Variants in TANK observed in about 807,000 individuals in gnomAD.
TANK encodes the protein TRAF family member-associated NF-kappa-B activator.
TANK carries 15 observed loss-of-function variants against 43.6 expected under a neutral mutation model. That is an observed-to-expected ratio of 0.34 (90% confidence interval 0.23 to 0.53). TANK has a LOEUF of 0.53. Ranked by LOEUF, TANK falls within the 20% of genes least tolerant of loss-of-function variation. The pLI is 0.94. For synonymous variants in TANK, 162 were observed against 178.2 expected, an observed-to-expected ratio of 0.91 and a Z score of 0.73; for missense variants, 417 against 498.6, an observed-to-expected ratio of 0.84 and a Z score of 1.56.
intron 4 of TANK, among the ~76,000 whole-genome samples, chr2:161,217,066 T>G (rs193232194): frequency 6.6e-6 from 1 of 152,344 alleles, no homozygotes; most frequent in Non-Finnish European, 1.5e-5. Context: ...CATATAGTAC[T>G]TACATGTTTG....
At position 161,151,466 on chromosome 2, in the gene TANK, T is replaced by G. The variant is rs528206836; in HGVS notation, c.-50+14403T>G. On this transcript the variant is annotated intron_variant, in intron 1 of 7. Coordinates refer to the TANK transcript ENST00000259075. ...TGGGCCCTGTTATTTGATGGATATA[T>G]GTGTATAATTGCTATATCTTCTTGA... 2.0e-5 allele frequency among the ~76,000 whole-genome samples: 3 copies of G among 152,182 alleles called. No homozygotes were observed. In the South Asian group the frequency reaches 6.2e-4, roughly 32 times the overall value.
At chr2:161,169,696 GAT>G (rs2105271130) in intron 1 of TANK, among the ~76,000 whole-genome samples, 1 of 152,310 alleles carries the variant, frequency 6.6e-6, no homozygotes, top group East Asian at 1.9e-4. Flanking sequence ...AACTCATTAA[GAT>G]ATAGGTACGT....
At chr2:161,226,813 G>T in intron 6 of TANK, among the ~76,000 whole-genome samples, 1 of 23,216 alleles carries the variant, frequency 4.3e-5, no homozygotes, top group Non-Finnish European at 1.9e-4. Flanking sequence ...TCCAATTTCA[G>T]TAGAGATTGG....
intron 1 of TANK, among the ~76,000 whole-genome samples, chr2:161,166,628 G>C (rs1684693253): frequency 2.6e-5 from 4 of 152,054 alleles, no homozygotes; most frequent in Admixed American, 2.6e-4. Flanking sequence ...ATACAGAAAA[G>C]ACCAAGATGT....
Position 161,223,993 on chromosome 2 carries a change from T to C in TANK, c.404+2T>C. 6.4e-7 allele frequency: 1 copy of C among 1,573,896 alleles called. No individual in the cohort carries two copies. The highest frequency in any genetic ancestry group is 8.7e-7 in the Non-Finnish European group (1 of 1,152,608). Reference sequence around the variant, plus strand: ...TGGCAGTCCTTTGCTCCATGAAAGGTAGTTCTACATCCTTTTTTCTCAACT... The same window carrying C: ...TGGCAGTCCTTTGCTCCATGAAAGGCAGTTCTACATCCTTTTTTCTCAACT... On this transcript the variant is annotated splice_donor_variant, in intron 5 of 7. Coordinates refer to ENST00000392749, the MANE Select transcript of TANK (RefSeq NM_001199135.3). LOFTEE classifies it high-confidence loss of function.
intron 1 of TANK, among the ~76,000 whole-genome samples, chr2:161,146,185 G>C (rs996571507): frequency 6.6e-6 from 1 of 152,096 alleles, no homozygotes; most frequent in Non-Finnish European, 1.5e-5. Context: ...GGTAATTTTT[G>C]TTCCTCTCTA....
Position 161,224,546 on chromosome 2 carries a change from A to T in TANK, c.405-85A>T, listed in dbSNP as rs1014813458. The stretch of plus-strand genomic sequence containing the variant: ...CTTTTAAATAATTATTTTGTGGCAC[A>T]TAAAATGGTACTACATAAGTTTGAT... On this transcript the variant is annotated intron_variant, in intron 5 of 7. Coordinates refer to ENST00000392749, the MANE Select transcript of TANK (RefSeq NM_001199135.3). The T allele has an allele frequency of 5.9e-6, 3 of 508,364 alleles. No homozygotes were observed. The Admixed American group carries it at 1.0e-4, about 18-fold the overall frequency. 31.5% of individuals were successfully genotyped at this position (508,364 alleles called of 1,614,324 possible).
At chr2:161,147,103 A>T (rs921180590) in intron 1 of TANK, among the ~76,000 whole-genome samples, 1 of 151,980 alleles carries the variant, frequency 6.6e-6, no homozygotes, top group Non-Finnish European at 1.5e-5. Flanking sequence ...GTCTGGCCGC[A>T]GTTTGCCACA....
At chr2:161,137,215 T>C in intron 1 of TANK, 1 of 985,406 alleles carries the variant, frequency 1.0e-6, no homozygotes, top group African/African-American at 1.7e-5. Context: ...GTTAACGTCA[T>C]AGTTAGAAAT....
At chr2:161,142,404 T>C (rs924853120) in intron 1 of TANK, among the ~76,000 whole-genome samples, 2 of 152,242 alleles carry the variant, frequency 1.3e-5, no homozygotes, top group Non-Finnish European at 2.9e-5. Flanking sequence ...CCCATGCCTA[T>C]GTCCTGAATG....
intron 2 of TANK, among the ~76,000 whole-genome samples, chr2:161,196,861 G>A (rs756130476): frequency 1.8e-4 from 27 of 152,136 alleles, no homozygotes; most frequent in South Asian, 2.1e-4. Context: ...TAAAATGTGG[G>A]AAATAGTCTC....
At chr2:161,186,217 C>T (rs530019290) in intron 2 of TANK, among the ~76,000 whole-genome samples, 2 of 152,178 alleles carry the variant, frequency 1.3e-5, no homozygotes, top group Non-Finnish European at 2.9e-5. Context: ...AAGTCCTTCC[C>T]ATGGCCTACT....
At chr2:161,202,913 G>T in intron 2 of TANK, 1 of 458,838 alleles carries the variant, frequency 2.2e-6, no homozygotes, top group Non-Finnish European at 4.5e-6. Context: ...AAGGGAAACT[G>T]GCATTTAAGA....
intron 2 of TANK, among the ~76,000 whole-genome samples, chr2:161,197,921 C>T (rs1686227608): frequency 2.0e-5 from 3 of 152,144 alleles, no homozygotes; most frequent in Admixed American, 6.5e-5. Flanking sequence ...ATATCCTGCA[C>T]ACATACAAAA....
chr2:161,195,767 T>G (rs1190142883), intron 2 of TANK, among the ~76,000 whole-genome samples: 1 of 152,048 alleles, frequency 6.6e-6, no homozygotes, highest in Non-Finnish European at 1.5e-5. Flanking sequence ...ATTTAAGAGA[T>G]ATTAATAGTT....
intron 2 of TANK, 86 bp from the exon 3 acceptor site, chr2:161,203,401 C>T (rs538040493): frequency 2.3e-6 from 2 of 873,794 alleles, no homozygotes; most frequent in South Asian, 3.5e-5. Context: ...GTGGGCAACT[C>T]ATATCTATTT....
At chr2:161,225,780 T>G (rs1292048159) in intron 6 of TANK, among the ~76,000 whole-genome samples, 1 of 152,204 alleles carries the variant, frequency 6.6e-6, no homozygotes, top group African/African-American at 2.4e-5. Context: ...CTTGCAGCTC[T>G]TACATCTAGG....
At chr2:161,148,559 ATTT>A (rs917916995) in intron 1 of TANK, among the ~76,000 whole-genome samples, 1 of 152,080 alleles carries the variant, frequency 6.6e-6, no homozygotes, top group African/African-American at 2.4e-5. Context: ...CTTGTTTGTT[ATTT>A]TGGTATCATA....
upstream of TANK, among the ~76,000 whole-genome samples, chr2:161,157,333 G>A (rs549933652): frequency 5.3e-5 from 8 of 152,278 alleles, no homozygotes; most frequent in South Asian, 1.2e-3. Flanking sequence ...GCACCTCTCT[G>A]AGAAGACACA....
Sources: allele counts gnomAD v4.1 joint callset (sites outside exome capture counted in the v4.1 genomes callset), GRCh38; gene constraint gnomAD v4.1.1; transcripts MANE v1.5; gene names NCBI Gene and HGNC (gene_info 2026-07-23, HGNC 2026-07-21).